Variants in SPON1 observed in about 807,000 individuals in gnomAD.
SPON1 encodes spondin-1.
Under a neutral mutation model 111.7 loss-of-function variants are expected in SPON1, and 52 were observed. That is an observed-to-expected ratio of 0.47 (90% CI 0.37 to 0.59). The LOEUF is 0.59. SPON1 is among the 20% of genes least tolerant of loss of function. The pLI is 0.00. For missense variants in SPON1, 957 were observed against 1,068.5 expected (o/e 0.90, Z 1.46); for synonymous variants, 410 against 395.8 (o/e 1.04, Z -0.43).
rs146534449 is a variant in SPON1, at chr11:14,205,236, T to C, written c.826-38096T>C. ...CAATTATCCATATTCCCACTGCATT[T>C]GTGCATGTGTTGACGCATATCGTAT... On this transcript the variant is annotated intron_variant, in intron 6 of 15. Coordinates refer to ENST00000576479, the MANE Select transcript of SPON1 (RefSeq NM_006108.4). 5.2e-3 allele frequency among the ~76,000 whole-genome samples: 785 copies of C among 152,366 alleles called. 1 individual carries two copies. Among genetic ancestry groups the C allele is most frequent in the Non-Finnish European group, 8.7e-3 (589 of 68,038 alleles).
At chr11:14,160,331 A>G (rs1205887439) in intron 6 of SPON1, among the ~76,000 whole-genome samples, 1 of 134,398 alleles carries the variant, frequency 7.4e-6, no homozygotes, top group Non-Finnish European at 1.5e-5. Context: ...TACCTAAGCT[A>G]CTGAACATTA....
chr11:14,114,253 T>C (rs551863337), intron 5 of SPON1, among the ~76,000 whole-genome samples: 1 of 152,298 alleles, frequency 6.6e-6, no homozygotes, highest in Admixed American at 6.5e-5. Flanking sequence ...TCTATGTCTA[T>C]GAGTTCAAGT....
chr11:14,100,984 T>A (rs1170856843), intron 5 of SPON1, among the ~76,000 whole-genome samples: 1 of 152,234 alleles, frequency 6.6e-6, no homozygotes, highest in East Asian at 1.9e-4. Context: ...TGATCAAATC[T>A]CTCTCTCTGT....
chr11:14,255,075 T>C (rs1266978500), intron 8 of SPON1, among the ~76,000 whole-genome samples: 1 of 152,188 alleles, frequency 6.6e-6, no homozygotes, highest in Admixed American at 6.5e-5. Flanking sequence ...ATCTATTGCA[T>C]TGAAATCTGG....
At chr11:14,129,799 G>T (rs1489151505) in intron 5 of SPON1, among the ~76,000 whole-genome samples, 2 of 152,126 alleles carry the variant, frequency 1.3e-5, no homozygotes, top group African/African-American at 4.8e-5. Flanking sequence ...GTTCGACATG[G>T]CTGGGGAGGC....
chr11:14,262,677 A>G (rs782404530), intron 14 of SPON1, 35 bp from the exon 15 acceptor site: 10 of 1,612,092 alleles, frequency 6.2e-6, no homozygotes, highest in Non-Finnish European at 8.5e-6. Flanking sequence ...TGTTTCAGAC[A>G]TGTGATACAC....
intron 5 of SPON1, among the ~76,000 whole-genome samples, chr11:14,100,009 G>A (rs919138036): frequency 5.9e-5 from 9 of 152,244 alleles, no homozygotes; most frequent in South Asian, 4.2e-4. Context: ...CACCTGATCC[G>A]ATCACCTCCC....
At chr11:14,028,461 G>T (rs1022610200) in intron 2 of SPON1, among the ~76,000 whole-genome samples, 3 of 151,828 alleles carry the variant, frequency 2.0e-5, no homozygotes, top group Admixed American at 6.6e-5. Flanking sequence ...CACAGAGTGA[G>T]ACCCTGTCTC....
At chr11:14,034,052 C>T (rs1252013050) in intron 2 of SPON1, among the ~76,000 whole-genome samples, 1 of 152,084 alleles carries the variant, frequency 6.6e-6, no homozygotes, top group Admixed American at 6.5e-5. Context: ...TGGCATATAC[C>T]TATCATCCAA....
intron 6 of SPON1, among the ~76,000 whole-genome samples, chr11:14,191,606 A>G (rs1848348603): frequency 6.6e-6 from 1 of 152,214 alleles, no homozygotes; most frequent in South Asian, 2.1e-4. Context: ...CATGCAGTTC[A>G]CTGTTGCACA....
At chr11:14,244,758 A>C (rs1307461893) in intron 7 of SPON1, among the ~76,000 whole-genome samples, 2 of 152,190 alleles carry the variant, frequency 1.3e-5, no homozygotes, top group African/African-American at 4.8e-5. Context: ...AACAACAACA[A>C]AAAAGAATCC....
chr11:14,095,090 CTCTT>C (rs1206864367), intron 5 of SPON1, among the ~76,000 whole-genome samples: 3 of 152,176 alleles, frequency 2.0e-5, no homozygotes, highest in African/African-American at 7.2e-5. Context: ...TATTATCTCT[CTCTT>C]TTTACAAATG....
At chr11:14,219,484 A>C (rs1304233333) in intron 6 of SPON1, among the ~76,000 whole-genome samples, 1 of 152,224 alleles carries the variant, frequency 6.6e-6, no homozygotes, top group Non-Finnish European at 1.5e-5. Context: ...AACCACATAC[A>C]GAAGTGACCC....
intron 5 of SPON1, among the ~76,000 whole-genome samples, chr11:14,111,332 G>A (rs1350613834): frequency 6.6e-6 from 1 of 152,022 alleles, no homozygotes; most frequent in East Asian, 1.9e-4. Flanking sequence ...TGATTTTATG[G>A]CAGACTCTCA....
chr11:14,259,313 C>T lies in SPON1; in HGVS notation c.1526C>T (p.Thr509Ile), dbSNP rs1554941609. The T allele has an allele frequency of 2.5e-6, 4 of 1,612,960 alleles. No individual in the cohort carries two copies. The highest frequency in any genetic ancestry group is 1.1e-5 in the South Asian group (1 of 90,724). ...ACCTGCACCATGTCCGAGTGGATCA[C>T]CTGGTCGCCCTGCAGCATCTCCTGC... The part of the protein sequence containing the change: ...GSTCTMSEWI[T>I]WSPCSISCGM... Residue 509 changes from threonine (T) to isoleucine (I), a missense_variant, in exon 12 of 16, where the codon ACC (threonine) becomes ATC (isoleucine). Physicochemically the swap from Thr to Ile is moderately conservative, Grantham distance 89. Transcript: ENST00000576479. The surrounding 1 kb of genome is among the most constrained non-coding windows in gnomAD (Gnocchi z 5.0).
In SPON1 at chr11:14,015,721, C is replaced by T. The variant is rs115723617; in HGVS notation, c.346-25800C>T. Among the ~76,000 whole-genome samples the T allele has an allele frequency of 6.8e-3, 1,033 of 152,228 alleles. 22 individuals carry two copies. Among genetic ancestry groups the T allele is most frequent in the African/African-American group, 0.024 (992 of 41,540 alleles). Reference sequence around the variant, plus strand: ...CTTTTGTGTTTCCATTACCAAAGAACAAGAAACTATTGGAGGTAAGTCATT... The same window carrying T: ...CTTTTGTGTTTCCATTACCAAAGAATAAGAAACTATTGGAGGTAAGTCATT... On this transcript the variant is annotated intron_variant, in intron 2 of 15. Transcript: ENST00000576479.
At chr11:14,061,858 A>G (rs1554919905) in intron 3 of SPON1, among the ~76,000 whole-genome samples, 1 of 152,222 alleles carries the variant, frequency 6.6e-6, no homozygotes, top group African/African-American at 2.4e-5. Context: ...CTTCATTTTT[A>G]TGCTGATGAG....
chr11:14,169,362 A>G (rs1471078828), intron 6 of SPON1, among the ~76,000 whole-genome samples: 2 of 150,334 alleles, frequency 1.3e-5, no homozygotes, highest in Non-Finnish European at 3.0e-5. Flanking sequence ...TTTTTCTTGT[A>G]AATTTGTTTG....
chr11:13,963,171 A>G (rs560098661), intron 1 of SPON1, 29 bp downstream of exon 1: 25 of 1,452,634 alleles, frequency 1.7e-5, no homozygotes, highest in Admixed American at 2.4e-5. Flanking sequence ...TGGCATTAGG[A>G]GAGCGGGACC....
Sources: gnomAD v4.1 joint callset for allele counts (sites outside exome capture counted in the v4.1 genomes callset) on GRCh38, gnomAD v4.1.1 for gene constraint, Gnocchi (gnomAD v3.1) non-coding constraint, MANE v1.5 for transcripts, NCBI Gene and HGNC (gene_info 2026-07-23, HGNC 2026-07-21) for gene names.